Variants in GPC6 observed in about 807,000 individuals in gnomAD.
GPC6 encodes glypican-6.
A neutral mutation model predicts 55.2 loss-of-function variants in GPC6; 14 were observed. The ratio of observed to expected loss-of-function variants is 0.25; its 90% CI spans 0.17 to 0.40. GPC6 has a LOEUF of 0.40. Ranked by LOEUF, GPC6 falls within the 10% of genes least tolerant of loss-of-function variation. GPC6 has a pLI of 1.00. For missense variants in GPC6, 641 were observed against 708.5 expected (o/e 0.90, Z 1.08); for synonymous variants, 278 against 259.6 (o/e 1.07, Z -0.68).
At chr13:94,132,455 C>A (rs1346390508) in intron 4 of GPC6, among the ~76,000 whole-genome samples, 1 of 152,170 alleles carries the variant, frequency 6.6e-6, no homozygotes, top group Non-Finnish European at 1.5e-5. Context: ...GCCTTGTGGT[C>A]TGACAGACGC....
chr13:93,359,839 A>AT (rs570899633), intron 1 of GPC6, among the ~76,000 whole-genome samples: 2 of 152,014 alleles, frequency 1.3e-5, no homozygotes, highest in African/African-American at 2.4e-5. Flanking sequence ...TAATCTGAAC[A>AT]TTTTTTTTAA....
intron 4 of GPC6, among the ~76,000 whole-genome samples, chr13:94,055,302 A>T (rs1263771795): frequency 1.3e-5 from 2 of 152,194 alleles, no homozygotes; most frequent in Non-Finnish European, 1.5e-5. Context: ...AAGAATGACA[A>T]GAATAATATT....
chr13:94,079,691 G>C (rs974508062), intron 4 of GPC6, among the ~76,000 whole-genome samples: 16 of 152,134 alleles, frequency 1.1e-4, no homozygotes, highest in Non-Finnish European at 2.2e-4. Context: ...TTCAAAAATT[G>C]TGAATAACAC....
chr13:93,662,031 A>G (rs996015857), intron 2 of GPC6, among the ~76,000 whole-genome samples: 2 of 152,182 alleles, frequency 1.3e-5, no homozygotes, highest in Non-Finnish European at 2.9e-5. Flanking sequence ...AAAACTGTTC[A>G]GAAAGACAAC....
In GPC6 at chr13:93,899,527, C is replaced by T. The variant is rs2140325713; in HGVS notation, c.711+68982C>T. 2.0e-5 allele frequency among the ~76,000 whole-genome samples: 3 copies of T among 151,564 alleles called. No homozygotes were observed. The East Asian group carries it at 5.8e-4, about 30-fold the overall frequency. ...GTCTGGTATAGCCAGGAAGCAGGGACATCAGCAATATGGTATATATTACCT... is the reference window on the plus strand; with the variant it reads ...GTCTGGTATAGCCAGGAAGCAGGGATATCAGCAATATGGTATATATTACCT... On this transcript the variant is annotated intron_variant, in intron 3 of 8. Coordinates refer to ENST00000377047, the MANE Select transcript of GPC6 (RefSeq NM_005708.5).
intron 3 of GPC6, among the ~76,000 whole-genome samples, chr13:93,869,179 C>T (rs917836592): frequency 2.0e-5 from 3 of 151,870 alleles, no homozygotes; most frequent in Admixed American, 2.0e-4. Flanking sequence ...ATGTTTCACA[C>T]ATCCCTACAC....
intron 4 of GPC6, among the ~76,000 whole-genome samples, chr13:94,205,956 T>C (rs1441853901): frequency 6.6e-6 from 1 of 152,154 alleles, no homozygotes; most frequent in Non-Finnish European, 1.5e-5. Flanking sequence ...CATTTGTGTG[T>C]AGGGTGCTGC....
chr13:94,133,033 A>G (rs1485233515), intron 4 of GPC6, among the ~76,000 whole-genome samples: 1 of 152,160 alleles, frequency 6.6e-6, no homozygotes, highest in Admixed American at 6.5e-5. Flanking sequence ...ACTTGAAAGC[A>G]TGTCTAGCTT....
intron 1 of GPC6, among the ~76,000 whole-genome samples, chr13:93,256,120 A>C (rs1876944400): frequency 6.7e-6 from 1 of 149,312 alleles, no homozygotes; most frequent in Non-Finnish European, 1.5e-5. Context: ...TAGTGAGCCG[A>C]GATTACCCCA....
At chr13:93,698,804 C>G (rs575533409) in intron 2 of GPC6, among the ~76,000 whole-genome samples, 2 of 152,076 alleles carry the variant, frequency 1.3e-5, no homozygotes, top group Non-Finnish European at 1.5e-5. Flanking sequence ...TTTTCCCTCT[C>G]TCCTCCCCTC....
chr13:94,086,408 A>G (rs746962372), intron 4 of GPC6, among the ~76,000 whole-genome samples: 1 of 152,056 alleles, frequency 6.6e-6, no homozygotes, highest in Non-Finnish European at 1.5e-5. Context: ...CCAGGATTGC[A>G]CACCCCAGCC....
At chr13:93,655,992 C>T (rs1180940017) in intron 2 of GPC6, among the ~76,000 whole-genome samples, 1 of 152,004 alleles carries the variant, frequency 6.6e-6, no homozygotes, top group Non-Finnish European at 1.5e-5. Context: ...TATTCATATC[C>T]ATCTTCATAA....
intron 3 of GPC6, among the ~76,000 whole-genome samples, chr13:93,977,499 TGTGTGTGTGTGTGTGTGTGG>T (rs1359557187): frequency 6.7e-6 from 1 of 148,670 alleles, no homozygotes; most frequent in Admixed American, 6.8e-5. Context: ...TGTGTGTGTG[TGTGTGTGTGTGTGTGTGTGG>T]TGTGTCTTTA....
intron 4 of GPC6, among the ~76,000 whole-genome samples, chr13:94,032,232 C>T (rs1566313120): frequency 1.3e-5 from 2 of 152,130 alleles, no homozygotes; most frequent in African/African-American, 4.8e-5. Context: ...TAGGCATATA[C>T]ATTTTTTGCC....
intron 6 of GPC6, among the ~76,000 whole-genome samples, chr13:94,317,676 C>G (rs1309374671): frequency 6.6e-6 from 1 of 152,116 alleles, no homozygotes; most frequent in Non-Finnish European, 1.5e-5. Flanking sequence ...TTTTTTTTGA[C>G]AAAATGAATA....
chr13:93,873,186 G>C (rs1889183919), intron 3 of GPC6, among the ~76,000 whole-genome samples: 1 of 151,442 alleles, frequency 6.6e-6, no homozygotes, highest in Non-Finnish European at 1.5e-5. Flanking sequence ...ACTGTTTACT[G>C]TTCACATTGC....
At chr13:93,570,071 A>G (rs777143657) in intron 2 of GPC6, among the ~76,000 whole-genome samples, 3 of 152,096 alleles carry the variant, frequency 2.0e-5, no homozygotes, top group African/African-American at 7.2e-5. Context: ...TCCAATATCA[A>G]ATAACTGCCA....
intron 3 of GPC6, among the ~76,000 whole-genome samples, chr13:94,025,260 G>T (rs1273833777): frequency 5.3e-5 from 8 of 152,162 alleles, no homozygotes; most frequent in African/African-American, 1.9e-4. Context: ...TTGCAAGGCT[G>T]TAGAAAATAA....
chr13:94,286,510 C>A, intron 5 of GPC6, 31 bp downstream of exon 5: 2 of 1,599,134 alleles, frequency 1.3e-6, no homozygotes, highest in Non-Finnish European at 1.7e-6. Flanking sequence ...TCTGCCAATA[C>A]ATGTATGTTA....
Sources: gnomAD v4.1 joint callset for allele counts (sites outside exome capture counted in the v4.1 genomes callset) on GRCh38, gnomAD v4.1.1 for gene constraint, MANE v1.5 for transcripts, NCBI Gene and HGNC (gene_info 2026-07-23, HGNC 2026-07-21) for gene names.